SPOCK1: variants seen among roughly 807,000 people sequenced by gnomAD.
SPOCK1 encodes testican-1.
A neutral mutation model predicts 55.3 loss-of-function variants in SPOCK1; 23 were observed. That is an observed-to-expected ratio of 0.42 (90% CI 0.30 to 0.59). The LOEUF (loss-of-function observed/expected upper bound fraction) is 0.59, where lower values mean the gene tolerates loss of function less well. Among genes scored for constraint, SPOCK1 ranks in the 20% least tolerant of loss-of-function variants. The pLI, the probability that SPOCK1 is intolerant of heterozygous loss-of-function variation, is 0.22. For missense variants in SPOCK1, 499 were observed against 552.5 expected, an observed-to-expected ratio of 0.90 and a Z score of 0.97; for synonymous variants, 226 against 221.0, an observed-to-expected ratio of 1.02 and a Z score of -0.20.
chr5:137,055,383 G>A (rs1343530819), intron 6 of SPOCK1, among the ~76,000 whole-genome samples: 2 of 152,186 alleles, frequency 1.3e-5, no homozygotes, highest in Admixed American at 1.3e-4. Context: ...AACCCTCTGG[G>A]GGTATTGTTT....
chr5:137,157,572 T>C (rs533264204), intron 3 of SPOCK1, among the ~76,000 whole-genome samples: 1 of 152,310 alleles, frequency 6.6e-6, no homozygotes, highest in South Asian at 2.1e-4. Context: ...GCTGGGTCTT[T>C]AGCACCATGT....
chr5:137,147,265 A>G (rs1161971309), intron 3 of SPOCK1, among the ~76,000 whole-genome samples: 2 of 152,212 alleles, frequency 1.3e-5, no homozygotes, highest in African/African-American at 4.8e-5. Flanking sequence ...ACAAGAGAAA[A>G]GGGAAAAAAG....
Position 137,100,972 on chromosome 5 carries a change from C to G in SPOCK1, c.474+11463G>C, listed in dbSNP as rs139002314. Among the ~76,000 whole-genome samples, 641 of 152,204 alleles carry G rather than the reference C, an allele frequency of 4.2e-3. 5 individuals carry two copies. Among genetic ancestry groups the G allele is most frequent in the African/African-American group, 0.014 (595 of 41,516 alleles). On this transcript the variant is annotated intron_variant, in intron 5 of 10. Coordinates refer to ENST00000394945, the MANE Select transcript of SPOCK1 (RefSeq NM_004598.4). ...ATTATGGCAACAACTCATGGTAAGTCCCAACCCAGTTAATATTCCTTAATT... is the reference window on the plus strand; with the variant it reads ...ATTATGGCAACAACTCATGGTAAGTGCCAACCCAGTTAATATTCCTTAATT...
chr5:137,263,353 T>A (rs1756788357), intron 3 of SPOCK1, among the ~76,000 whole-genome samples: 1 of 152,218 alleles, frequency 6.6e-6, no homozygotes, highest in African/African-American at 2.4e-5. Context: ...AGCATCTTGC[T>A]GACCCAGATC....
intron 6 of SPOCK1, among the ~76,000 whole-genome samples, chr5:137,016,292 T>C (rs754170758): frequency 1.3e-5 from 2 of 152,162 alleles, no homozygotes; most frequent in African/African-American, 4.8e-5. Context: ...ACCTCACACA[T>C]TGTCAGGCAG....
intron 5 of SPOCK1, among the ~76,000 whole-genome samples, chr5:137,077,110 G>C (rs1020931793): frequency 6.6e-6 from 1 of 152,168 alleles, no homozygotes; most frequent in Non-Finnish European, 1.5e-5. Context: ...ATTTTTAGTA[G>C]AGACGGGGTT....
At chr5:137,167,150 A>G (rs1251819003) in intron 3 of SPOCK1, among the ~76,000 whole-genome samples, 1 of 152,120 alleles carries the variant, frequency 6.6e-6, no homozygotes, top group East Asian at 1.9e-4. Flanking sequence ...GGAAGCCATA[A>G]AAGAGCAGGA....
chr5:137,307,085 A>G (rs776244239), intron 2 of SPOCK1, among the ~76,000 whole-genome samples: 6 of 152,326 alleles, frequency 3.9e-5, no homozygotes, highest in Admixed American at 1.3e-4. Context: ...TTGAGCCTCA[A>G]TGCTCTTGCC....
At chr5:137,166,598 A>G (rs940599817) in intron 3 of SPOCK1, among the ~76,000 whole-genome samples, 5 of 152,154 alleles carry the variant, frequency 3.3e-5, no homozygotes, top group African/African-American at 9.6e-5. Flanking sequence ...TGAATCAGAA[A>G]TAATAACTAC....
chr5:137,010,750 C>G (rs956485921), intron 6 of SPOCK1, among the ~76,000 whole-genome samples: 9 of 152,140 alleles, frequency 5.9e-5, no homozygotes, highest in Non-Finnish European at 1.2e-4. Context: ...AGATATCACG[C>G]CAACATCCCT....
chr5:137,498,076 G>A (rs1334011259), intron 2 of SPOCK1, among the ~76,000 whole-genome samples: 1 of 152,076 alleles, frequency 6.6e-6, no homozygotes, highest in Non-Finnish European at 1.5e-5. Flanking sequence ...CACAGCTACT[G>A]GTGATCTGTG....
intron 2 of SPOCK1, among the ~76,000 whole-genome samples, chr5:137,270,953 G>A (rs1756949532): frequency 6.6e-6 from 1 of 152,092 alleles, no homozygotes; most frequent in Non-Finnish European, 1.5e-5. Context: ...AGTGAGCCAA[G>A]ATCGCACCAT....
At chr5:137,061,151 C>G (rs946529822) in intron 6 of SPOCK1, among the ~76,000 whole-genome samples, 2 of 152,210 alleles carry the variant, frequency 1.3e-5, no homozygotes, top group South Asian at 2.1e-4. Context: ...GGCTTTCACT[C>G]TCTTACACAA....
At chr5:137,131,921 G>A (rs1437706659) in intron 4 of SPOCK1, among the ~76,000 whole-genome samples, 1 of 129,172 alleles carries the variant, frequency 7.7e-6, no homozygotes, top group Non-Finnish European at 1.6e-5. Flanking sequence ...GCAGTGAGCC[G>A]AGATCGCGCC....
intron 2 of SPOCK1, among the ~76,000 whole-genome samples, chr5:137,452,209 A>G (rs17727364): frequency 0.15 from 22,946 of 152,202 alleles, 2,217 homozygotes; most frequent in Admixed American, 0.28. Flanking sequence ...AAATTTAACT[A>G]TTTACATTCG....
intron 5 of SPOCK1, among the ~76,000 whole-genome samples, chr5:137,070,106 G>C (rs1271486264): frequency 6.6e-6 from 1 of 152,132 alleles, no homozygotes; most frequent in East Asian, 1.9e-4. Flanking sequence ...AGCCAGGTTT[G>C]AGCAGACATG....
intron 2 of SPOCK1, among the ~76,000 whole-genome samples, chr5:137,343,106 T>TACATCCCG (rs1750473936): frequency 6.6e-6 from 1 of 152,202 alleles, no homozygotes; most frequent in Non-Finnish European, 1.5e-5. Context: ...CAAGTGCAAG[T>TACATCCCG]ACATCCCGAC....
intron 8 of SPOCK1, among the ~76,000 whole-genome samples, chr5:136,986,816 T>C (rs945212021): frequency 1.3e-5 from 2 of 152,166 alleles, no homozygotes; most frequent in African/African-American, 4.8e-5. Context: ...TAAAACAAAA[T>C]GATTCCATAT....
At chr5:137,361,131 A>G (rs1750934674) in intron 2 of SPOCK1, among the ~76,000 whole-genome samples, 1 of 152,194 alleles carries the variant, frequency 6.6e-6, no homozygotes, top group Non-Finnish European at 1.5e-5. Context: ...GAGGATACAG[A>G]GAGAAGTTAG....
Sources: gnomAD v4.1 joint callset for allele counts (sites outside exome capture counted in the v4.1 genomes callset) on GRCh38, gnomAD v4.1.1 for gene constraint, MANE v1.5 for transcripts, NCBI Gene and HGNC (gene_info 2026-07-23, HGNC 2026-07-21) for gene names.